Variants in ARID5B observed in about 807,000 individuals in gnomAD.
ARID5B encodes AT-rich interactive domain-containing protein 5B.
A neutral mutation model predicts 97.2 loss-of-function variants in ARID5B; 13 were observed. The ratio of observed to expected loss-of-function variants is 0.13; its 90% CI spans 0.09 to 0.21. ARID5B has a LOEUF of 0.21. Among genes scored for constraint, ARID5B ranks in the 10% least tolerant of loss-of-function variants. ARID5B has a pLI of 1.00. For missense variants in ARID5B, 1,210 were observed against 1,465.3 expected, an observed-to-expected ratio of 0.83 and a Z score of 2.84; for synonymous variants, 556 against 570.3, an observed-to-expected ratio of 0.97 and a Z score of 0.36.
chr10:62,003,928 A>G (rs916068558), intron 4 of ARID5B, among the ~76,000 whole-genome samples: 2 of 152,224 alleles, frequency 1.3e-5, no homozygotes, highest in African/African-American at 4.8e-5. Flanking sequence ...ATCTGCAATG[A>G]GTCCCTGTAA....
intron 3 of ARID5B, among the ~76,000 whole-genome samples, chr10:61,971,802 C>T (rs928487891): frequency 2.6e-5 from 4 of 152,150 alleles, no homozygotes; most frequent in Admixed American, 1.3e-4. Flanking sequence ...TTTTTCCTAA[C>T]TTGGTGCAGC....
At chr10:62,032,007 T>C (rs955309721) in intron 4 of ARID5B, among the ~76,000 whole-genome samples, 1 of 152,170 alleles carries the variant, frequency 6.6e-6, no homozygotes, top group Non-Finnish European at 1.5e-5. Flanking sequence ...AACTGAGGCC[T>C]GGTAATAAGG....
At chr10:61,959,876 A>T (rs1838445598) in intron 3 of ARID5B, among the ~76,000 whole-genome samples, 1 of 152,212 alleles carries the variant, frequency 6.6e-6, no homozygotes, top group African/African-American at 2.4e-5. Flanking sequence ...GAATCCAAAG[A>T]ACCCTATGGA....
intron 3 of ARID5B, among the ~76,000 whole-genome samples, chr10:61,956,389 C>T (rs574126259): frequency 9.2e-5 from 14 of 152,338 alleles, no homozygotes; most frequent in South Asian, 2.1e-4. Context: ...AAACTGCCTT[C>T]GCCAAAACTG....
chr10:62,076,561 C>CAAAAAAAAAAAAAAA (rs11363274), intron 8 of ARID5B, among the ~76,000 whole-genome samples: 5 of 92,644 alleles, frequency 5.4e-5, no homozygotes, highest in Admixed American at 1.2e-4. Flanking sequence ...GACTCTGTCT[C>CAAAAAAAAAAAAAAA]AAAAAAAAAA....
intron 3 of ARID5B, among the ~76,000 whole-genome samples, chr10:61,969,230 C>T (rs898648762): frequency 5.9e-5 from 9 of 152,096 alleles, no homozygotes; most frequent in African/African-American, 2.2e-4. Context: ...TTGGAAGATA[C>T]GATTTTCAGC....
At chr10:62,058,637 C>T (rs1365558031) in intron 6 of ARID5B, among the ~76,000 whole-genome samples, 1 of 152,194 alleles carries the variant, frequency 6.6e-6, no homozygotes, top group Non-Finnish European at 1.5e-5. Context: ...GATTCAATTC[C>T]TCTCTGAATG....
At chr10:62,046,000 C>G (rs1046028662) in intron 4 of ARID5B, among the ~76,000 whole-genome samples, 1 of 152,184 alleles carries the variant, frequency 6.6e-6, no homozygotes, top group African/African-American at 2.4e-5. Flanking sequence ...TTTTCCATTC[C>G]CCTGATTCCA....
chr10:61,957,590 A>T (rs1270240651), intron 3 of ARID5B, among the ~76,000 whole-genome samples: 1 of 152,242 alleles, frequency 6.6e-6, no homozygotes, highest in African/African-American at 2.4e-5. Flanking sequence ...TTTAACTGTC[A>T]TATATTTAGC....
chr10:62,075,042 G>A (rs968442253), intron 8 of ARID5B, among the ~76,000 whole-genome samples: 4 of 152,160 alleles, frequency 2.6e-5, no homozygotes, highest in Admixed American at 2.0e-4. Context: ...TAGAAAACTC[G>A]TCTTTCACCC....
intron 4 of ARID5B, among the ~76,000 whole-genome samples, chr10:62,014,529 C>T (rs1839259461): frequency 6.6e-6 from 1 of 152,108 alleles, no homozygotes; most frequent in South Asian, 2.1e-4. Context: ...GAGGTATATA[C>T]TCTGTATGCT....
intron 2 of ARID5B, among the ~76,000 whole-genome samples, chr10:61,905,687 T>A (rs1434092168): frequency 6.6e-6 from 1 of 152,208 alleles, no homozygotes; most frequent in Non-Finnish European, 1.5e-5. Flanking sequence ...TCTAGAAGTG[T>A]GTACTAATGT....
chr10:62,048,428 G>T (rs1470787583), intron 4 of ARID5B, among the ~76,000 whole-genome samples: 1 of 152,206 alleles, frequency 6.6e-6, no homozygotes, highest in Non-Finnish European at 1.5e-5. Flanking sequence ...GGGAGAGTAG[G>T]AGAGGAATTT....
At chr10:62,086,709 A>AAAAAC (rs778821864) in intron 9 of ARID5B, among the ~76,000 whole-genome samples, 15,242 of 113,432 alleles carry the variant, frequency 0.13, 2,440 homozygotes, top group African/African-American at 0.21. Flanking sequence ...AAAAAAAAAA[A>AAAAAC]AAATATCAGG....
At chr10:61,965,346 G>C (rs772249449) in intron 3 of ARID5B, among the ~76,000 whole-genome samples, 1 of 152,134 alleles carries the variant, frequency 6.6e-6, no homozygotes, top group Non-Finnish European at 1.5e-5. Flanking sequence ...GAGAGAGGAG[G>C]ATTTTAAATG....
chr10:61,925,015 G>T (rs1844078733), intron 2 of ARID5B, among the ~76,000 whole-genome samples: 1 of 152,050 alleles, frequency 6.6e-6, no homozygotes, highest in South Asian at 2.1e-4. Context: ...GACCAGCCTG[G>T]CCAACATTGT....
chr10:61,960,535 T>G (rs995638578), intron 3 of ARID5B, among the ~76,000 whole-genome samples: 1 of 152,208 alleles, frequency 6.6e-6, no homozygotes, highest in African/African-American at 2.4e-5. Flanking sequence ...ATAAATATTC[T>G]AAATATTTAT....
intron 3 of ARID5B, among the ~76,000 whole-genome samples, chr10:61,969,730 T>C (rs2132832001): frequency 6.6e-6 from 1 of 152,336 alleles, no homozygotes; most frequent in Non-Finnish European, 1.5e-5. Context: ...TCAAGAATCT[T>C]CATATTCTAT....
chr10:61,930,380 T>C (rs1465376846), intron 2 of ARID5B, among the ~76,000 whole-genome samples: 2 of 152,038 alleles, frequency 1.3e-5, no homozygotes, highest in African/African-American at 4.8e-5. Context: ...AAAGGTAGTG[T>C]TTTTCCTTAG....
Sources: allele counts gnomAD v4.1 joint callset (sites outside exome capture counted in the v4.1 genomes callset), GRCh38; gene constraint gnomAD v4.1.1; transcripts MANE v1.5; gene names NCBI Gene and HGNC (gene_info 2026-07-23, HGNC 2026-07-21).